GLDC: variants seen among roughly 807,000 people sequenced by gnomAD.
GLDC encodes the protein glycine decarboxylase.
A neutral mutation model predicts 121.3 loss-of-function variants in GLDC; 104 were observed. The observed-to-expected ratio is 0.86, with a 90% confidence interval of 0.73 to 1.01. The LOEUF is 1.01. Among genes scored for constraint, GLDC ranks in the 50% least tolerant of loss-of-function variants. The pLI, the probability that GLDC is intolerant of heterozygous loss-of-function variation, is 0.00. For missense variants in GLDC, 1,429 were observed against 1,306.6 expected, an observed-to-expected ratio of 1.09 and a Z score of -1.44; for synonymous variants, 546 against 480.6, an observed-to-expected ratio of 1.14 and a Z score of -1.78.
intron 15 of GLDC, among the ~76,000 whole-genome samples, chr9:6,579,579 A>C (rs1818136168): frequency 6.6e-6 from 1 of 152,046 alleles, no homozygotes. Flanking sequence ...GGCTGTTCTC[A>C]AACTCCTGGC....
At chr9:6,543,116 A>C (rs976542043) in intron 21 of GLDC, among the ~76,000 whole-genome samples, 2 of 151,948 alleles carry the variant, frequency 1.3e-5, no homozygotes, top group African/African-American at 4.8e-5. Context: ...ATCCTACAAA[A>C]TATTTAAAAA....
At chr9:6,558,183 G>A (rs975055985) in intron 17 of GLDC, 2 of 471,256 alleles carry the variant, frequency 4.2e-6, no homozygotes, top group Non-Finnish European at 3.8e-6. Context: ...CACAGTCATG[G>A]ATATTTGCAA....
intron 20 of GLDC, among the ~76,000 whole-genome samples, chr9:6,551,782 G>A (rs1452719846): frequency 6.6e-6 from 1 of 152,080 alleles, no homozygotes; most frequent in Non-Finnish European, 1.5e-5. Flanking sequence ...GGAAGGGGAG[G>A]GCACATGACT....
intron 17 of GLDC, among the ~76,000 whole-genome samples, chr9:6,556,767 T>C (rs1817640349): frequency 1.3e-5 from 2 of 150,972 alleles, no homozygotes; most frequent in East Asian, 1.9e-4. Context: ...GCACTCCAGC[T>C]TGGACAACAG....
intron 3 of GLDC, among the ~76,000 whole-genome samples, chr9:6,612,596 C>T (rs890777296): frequency 2.6e-5 from 4 of 151,894 alleles, no homozygotes; most frequent in East Asian, 1.9e-4. Context: ...CGCAGTGGCT[C>T]ATGCCTGTAA....
At chr9:6,610,941 C>G (rs976024883) in intron 3 of GLDC, among the ~76,000 whole-genome samples, 3 of 152,224 alleles carry the variant, frequency 2.0e-5, no homozygotes, top group Admixed American at 6.5e-5. Context: ...TTGCTATTAT[C>G]TTTCCCCTAG....
In GLDC at chr9:6,554,695, A is replaced by G. The variant is rs749032015; in HGVS notation, c.2289T>C (p.Gly763=). 5 of 1,612,036 alleles carry G rather than the reference A, an allele frequency of 3.1e-6. No individual in the cohort carries two copies. The Admixed American group carries it at 8.3e-5, about 27-fold the overall frequency. ...HKTFCIPHGG[G]GPGMGPIGVK... ...CTCCGATGGGCCCCATGCCAGGACCACCTCCTCCGTGGGGAATGCAGAAGG... is the reference window on the plus strand; with the variant it reads ...CTCCGATGGGCCCCATGCCAGGACCGCCTCCTCCGTGGGGAATGCAGAAGG... The change falls in exon 19 of 25, where the codon GGT becomes GGC. Residue 763 remains glycine, a synonymous_variant. Coordinates refer to ENST00000321612, the MANE Select transcript of GLDC (RefSeq NM_000170.3).
intron 20 of GLDC, among the ~76,000 whole-genome samples, chr9:6,552,260 C>T (rs1179005002): frequency 6.6e-6 from 1 of 152,264 alleles, no homozygotes; most frequent in East Asian, 1.9e-4. Flanking sequence ...ACTGAGGCAC[C>T]AGCTGTTGTT....
At chr9:6,550,667 C>G (rs191033789) in intron 21 of GLDC, 136 bp downstream of exon 21, 81 of 723,746 alleles carry the variant, frequency 1.1e-4, no homozygotes, top group African/African-American at 8.5e-4. Context: ...GAGTTATTTC[C>G]AAGAACTCTA....
chr9:6,549,608 T>A (rs1212612151), intron 21 of GLDC, among the ~76,000 whole-genome samples: 1 of 152,146 alleles, frequency 6.6e-6, no homozygotes, highest in African/African-American at 2.4e-5. Flanking sequence ...CCTCACCACT[T>A]CCAAGACTCA....
Position 6,539,024 on chromosome 9 carries a change from T to TATCTACTATTAAATTTAATAGTA in GLDC, c.2665+1026_2665+1027insTACTATTAAATTTAATAGTAGAT, listed in dbSNP as rs563705661. On this transcript the variant is annotated intron_variant, in intron 22 of 24. Transcript: ENST00000321612. ...TGGGATTCCCATTATGATGCAGTAG[T>TATCTACTATTAAATTTAATAGTA]GAAACTATTAAATTTAAAAGATTTT... Among the ~76,000 whole-genome samples, 598 of 152,296 alleles carry TATCTACTATTAAATTTAATAGTA rather than the reference T, an allele frequency of 3.9e-3. 3 individuals carry two copies. Among genetic ancestry groups the TATCTACTATTAAATTTAATAGTA allele is most frequent in the Non-Finnish European group, 6.7e-3 (459 of 68,026 alleles).
intron 15 of GLDC, among the ~76,000 whole-genome samples, chr9:6,580,010 C>T (rs151134608): frequency 1.2e-4 from 19 of 152,352 alleles, no homozygotes; most frequent in Non-Finnish European, 1.3e-4. Context: ...AGAATCTCCT[C>T]ATCTACAAAG....
intron 21 of GLDC, among the ~76,000 whole-genome samples, chr9:6,544,050 AG>A (rs1563830747): frequency 6.6e-6 from 1 of 152,220 alleles, no homozygotes; most frequent in African/African-American, 2.4e-5. Flanking sequence ...AGAAGGGACC[AG>A]ACCTTACTTA....
intron 5 of GLDC, among the ~76,000 whole-genome samples, chr9:6,605,629 T>C (rs7043546): frequency 0.54 from 81,943 of 152,042 alleles, 22,611 homozygotes; most frequent in African/African-American, 0.6. Context: ...CACTCTTAAG[T>C]GAATGGAAAA....
At chr9:6,589,098 CCAGGCCACAG>C in intron 12 of GLDC, 87 bp downstream of exon 12, 1 of 818,470 alleles carries the variant, frequency 1.2e-6, no homozygotes, top group African/African-American at 1.7e-5. Flanking sequence ...GCCAGAATAA[CCAGGCCACAG>C]CAGGCGAAAT....
chr9:6,630,501 G>A (rs1819353890), intron 2 of GLDC, among the ~76,000 whole-genome samples: 1 of 152,012 alleles, frequency 6.6e-6, no homozygotes, highest in Non-Finnish European at 1.5e-5. Context: ...CTAGGAAAAG[G>A]TCTCCAAGGA....
chr9:6,604,863 C>G, intron 6 of GLDC, 79 bp from the exon 7 acceptor site: 1 of 1,194,006 alleles, frequency 8.4e-7, no homozygotes, highest in Non-Finnish European at 1.3e-6. Context: ...ATTATCTTAA[C>G]TACAGGAAGA....
At chr9:6,630,479 C>T (rs529905630) in intron 2 of GLDC, among the ~76,000 whole-genome samples, 2 of 152,202 alleles carry the variant, frequency 1.3e-5, no homozygotes, top group African/African-American at 4.8e-5. Context: ...CCTCCATGTG[C>T]TTGGCAAGAC....
intron 15 of GLDC, among the ~76,000 whole-genome samples, chr9:6,585,752 A>G (rs1187909741): frequency 6.6e-6 from 1 of 152,198 alleles, no homozygotes; most frequent in Non-Finnish European, 1.5e-5. Flanking sequence ...AGGGGCAGAT[A>G]CCATAACTCA....
Sources: gnomAD v4.1 joint callset for allele counts (sites outside exome capture counted in the v4.1 genomes callset) on GRCh38, gnomAD v4.1.1 for gene constraint, MANE v1.5 for transcripts, NCBI Gene and HGNC (gene_info 2026-07-23, HGNC 2026-07-21) for gene names.